Variants in CNBD1 observed in about 807,000 individuals in gnomAD.
CNBD1 encodes cyclic nucleotide binding domain containing 1, also known as cyclic nucleotide-binding domain-containing protein 1.
In CNBD1, 71 loss-of-function variants were observed where a neutral mutation model predicts 54.4. The observed-to-expected ratio is 1.30, with a 90% CI of 1.08 to 1.59. CNBD1 has a LOEUF of 1.59. Ranked by LOEUF, CNBD1 falls within the 40% of genes most tolerant of loss-of-function variation. The probability of loss-of-function intolerance (pLI) is 0.00; values close to 1 mark genes in which losing one functional copy is unlikely to be tolerated. For synonymous variants in CNBD1, 182 were observed against 170.7 expected (o/e 1.07, Z -0.51); for missense variants, 659 against 518.0 (o/e 1.27, Z -2.64).
chr8:87,299,605 T>G (rs184895501), intron 8 of CNBD1, among the ~76,000 whole-genome samples: 1 of 152,300 alleles, frequency 6.6e-6, no homozygotes, highest in African/African-American at 2.4e-5. Flanking sequence ...ATTGTTAATT[T>G]GATAAGTTAA....
chr8:87,291,568 A>G (rs538174929), intron 8 of CNBD1, among the ~76,000 whole-genome samples: 1 of 152,212 alleles, frequency 6.6e-6, no homozygotes, highest in East Asian at 1.9e-4. Context: ...ATAAAAAAAA[A>G]TGGGCCTTGG....
intron 6 of CNBD1, among the ~76,000 whole-genome samples, chr8:87,281,792 A>G (rs1808607262): frequency 6.6e-6 from 1 of 150,944 alleles, no homozygotes; most frequent in Non-Finnish European, 1.5e-5. Context: ...AGAGTTATAA[A>G]TGAAAGTTAT....
At chr8:87,005,597 T>A (rs1231893472) in intron 4 of CNBD1, among the ~76,000 whole-genome samples, 2 of 151,912 alleles carry the variant, frequency 1.3e-5, no homozygotes, top group Non-Finnish European at 2.9e-5. Context: ...ATATATTTCT[T>A]TTGACCTAGG....
intron 4 of CNBD1, among the ~76,000 whole-genome samples, chr8:87,197,275 A>T (rs1423440249): frequency 1.3e-5 from 2 of 152,236 alleles, no homozygotes; most frequent in Admixed American, 1.3e-4. Context: ...AATGTGTGTA[A>T]ACGGTGTGCC....
At chr8:87,180,515 A>G (rs112627851) in intron 4 of CNBD1, among the ~76,000 whole-genome samples, 1 of 152,286 alleles carries the variant, frequency 6.6e-6, no homozygotes, top group African/African-American at 2.4e-5. Context: ...CACCTGTACA[A>G]TGACTAAGAT....
intron 4 of CNBD1, among the ~76,000 whole-genome samples, chr8:86,977,663 A>G (rs1025635231): frequency 6.6e-6 from 1 of 152,166 alleles, no homozygotes; most frequent in African/African-American, 2.4e-5. Flanking sequence ...TCCTGGAAAA[A>G]TAAAACCTTT....
At chr8:86,867,501 T>C (rs896383328) in intron 1 of CNBD1, among the ~76,000 whole-genome samples, 3 of 152,214 alleles carry the variant, frequency 2.0e-5, no homozygotes, top group African/African-American at 7.2e-5. Context: ...TTAAAAGGTA[T>C]AACAGGTGGC....
chr8:86,875,355 A>T (rs931933148), intron 1 of CNBD1, among the ~76,000 whole-genome samples: 10 of 151,794 alleles, frequency 6.6e-5, no homozygotes, highest in Non-Finnish European at 1.3e-4. Context: ...GTGATACCTT[A>T]CCTTTCACCC....
intron 2 of CNBD1, among the ~76,000 whole-genome samples, chr8:87,410,423 G>A (rs1807721741): frequency 6.6e-6 from 1 of 152,094 alleles, no homozygotes; most frequent in Admixed American, 6.6e-5. Flanking sequence ...ATTCATGGGA[G>A]GAGGCTGATA....
intron 4 of CNBD1, among the ~76,000 whole-genome samples, chr8:87,131,497 G>A (rs1812117285): frequency 6.6e-6 from 1 of 151,896 alleles, no homozygotes; most frequent in Non-Finnish European, 1.5e-5. Flanking sequence ...ATCTATACAT[G>A]ATATACTTGT....
At chr8:87,381,784 G>A (rs571830127) in intron 10 of CNBD1, among the ~76,000 whole-genome samples, 14 of 151,964 alleles carry the variant, frequency 9.2e-5, no homozygotes, top group African/African-American at 1.7e-4. Context: ...CTCATACGAG[G>A]TATCTAAAAT....
intron 6 of CNBD1, among the ~76,000 whole-genome samples, chr8:87,264,200 A>T (rs1808202135): frequency 6.9e-6 from 1 of 144,192 alleles, no homozygotes; most frequent in Non-Finnish European, 1.5e-5. Flanking sequence ...TCCTGTGTCC[A>T]TGTGTTCTCT....
chr8:87,236,921 G>A lies in CNBD1; in HGVS notation c.580G>A (p.Val194Ile). 6.3e-7 allele frequency: 1 copy of A among 1,585,684 alleles called. No individual in the cohort carries two copies. Among genetic ancestry groups the A allele is most frequent in the South Asian group, 1.1e-5 (1 of 87,306 alleles). ...SETWLKGSTV[V>I]ANDGFYVILK... ...TTTTTTGGCTTTGTTTTTTTCAGTG[G>A]TTGCAAATGATGGATTTTATGTAAT... Residue 194 changes from valine to isoleucine, a missense_variant and splice_region_variant, in exon 6 of 11, where the codon GTT (valine) becomes ATT (isoleucine). Physicochemically the swap from Val to Ile is conservative, Grantham distance 29. Transcript: ENST00000518476.
At position 86,877,063 on chromosome 8, in the gene CNBD1, C is replaced by T. The variant is rs1808531437; in HGVS notation, c.89-10479C>T. 4.6e-5 allele frequency among the ~76,000 whole-genome samples: 7 copies of T among 151,478 alleles called. No homozygotes were observed. The South Asian group carries it at 1.5e-3, about 32-fold the overall frequency. The stretch of plus-strand genomic sequence containing the variant: ...CCTAGTATGAAATGAGAAAAATTTC[C>T]CTCTTCACATGTTGATTTTGTTGCA... On this transcript the variant is annotated intron_variant, in intron 1 of 10. Coordinates refer to ENST00000518476, the MANE Select transcript of CNBD1 (RefSeq NM_173538.3).
chr8:87,242,289 A>G (rs1241160288), intron 6 of CNBD1, among the ~76,000 whole-genome samples: 1 of 152,112 alleles, frequency 6.6e-6, no homozygotes, highest in East Asian at 1.9e-4. Context: ...TTCCCTTTCC[A>G]GGTCTTTTTC....
intron 2 of CNBD1, among the ~76,000 whole-genome samples, chr8:87,390,259 A>T (rs1037156910): frequency 4.6e-5 from 7 of 152,218 alleles, no homozygotes; most frequent in South Asian, 4.1e-4. Flanking sequence ...GGATCTAAGT[A>T]AACTAAAGAG....
At chr8:87,413,707 T>C (rs967528826) in intron 2 of CNBD1, among the ~76,000 whole-genome samples, 2 of 151,132 alleles carry the variant, frequency 1.3e-5, no homozygotes, top group East Asian at 3.9e-4. Flanking sequence ...AAAAAGTGGG[T>C]GAAGGATATG....
chr8:87,217,399 C>A (rs1476354033), intron 5 of CNBD1, among the ~76,000 whole-genome samples: 1 of 151,900 alleles, frequency 6.6e-6, no homozygotes, highest in East Asian at 1.9e-4. Context: ...AAAATTGACA[C>A]ATTTAGGATT....
chr8:86,956,970 C>T (rs539977229), intron 4 of CNBD1, among the ~76,000 whole-genome samples: 23 of 152,280 alleles, frequency 1.5e-4, no homozygotes, highest in African/African-American at 5.1e-4. Flanking sequence ...GTGGGTCTGT[C>T]ATAAATAGCT....
Sources: gnomAD v4.1 joint callset for allele counts (sites outside exome capture counted in the v4.1 genomes callset) on GRCh38, gnomAD v4.1.1 for gene constraint, MANE v1.5 for transcripts, NCBI Gene and HGNC (gene_info 2026-07-23, HGNC 2026-07-21) for gene names.